LRMDA: variants seen among roughly 807,000 people sequenced by gnomAD.
The protein encoded by LRMDA is leucine rich melanocyte differentiation associated.
In LRMDA, 18 loss-of-function variants were observed where a neutral mutation model predicts 29.8. The observed-to-expected ratio is 0.60, with a 90% CI of 0.42 to 0.90. The LOEUF is 0.90. LRMDA is among the 40% of genes least tolerant of loss of function. LRMDA has a pLI of 0.00. For missense variants in LRMDA, 273 were observed against 273.9 expected, an observed-to-expected ratio of 1.00 and a Z score of 0.02; for synonymous variants, 125 against 109.4, an observed-to-expected ratio of 1.14 and a Z score of -0.89.
intron 2 of LRMDA, among the ~76,000 whole-genome samples, chr10:75,621,386 G>A (rs1486771889): frequency 6.6e-6 from 1 of 152,142 alleles, no homozygotes; most frequent in Non-Finnish European, 1.5e-5. Context: ...ACATGTGTGT[G>A]CCTGCCTTTG....
chr10:76,490,910 C>T (rs917073211), intron 6 of LRMDA, among the ~76,000 whole-genome samples: 10 of 151,736 alleles, frequency 6.6e-5, no homozygotes, highest in Admixed American at 5.3e-4. Flanking sequence ...TATGATTTAA[C>T]GTCTTGCTTT....
intron 6 of LRMDA, among the ~76,000 whole-genome samples, chr10:76,472,474 A>G (rs909513528): frequency 6.6e-6 from 1 of 151,750 alleles, no homozygotes; most frequent in Admixed American, 6.6e-5. Context: ...TTATCTATTC[A>G]ATAACTTGAT....
chr10:76,208,729 G>A lies in LRMDA; in HGVS notation c.517-115672G>A, dbSNP rs1385153309. 2.0e-5 allele frequency among the ~76,000 whole-genome samples: 3 copies of A among 152,072 alleles called. No individual in the cohort carries two copies. The East Asian group carries it at 5.8e-4, about 29-fold the overall frequency. On this transcript the variant is annotated intron_variant, in intron 5 of 6. Transcript: ENST00000611255. Reference sequence around the variant, plus strand: ...CAGCCATGGAAAACCAACCCAGCAAGCATGTCCTCCCCTCTGCTTGTGCCT... The same window carrying A: ...CAGCCATGGAAAACCAACCCAGCAAACATGTCCTCCCCTCTGCTTGTGCCT...
chr10:76,240,880 A>G (rs1318229404), intron 5 of LRMDA, among the ~76,000 whole-genome samples: 2 of 151,310 alleles, frequency 1.3e-5, no homozygotes, highest in Non-Finnish European at 2.9e-5. Context: ...ATACGCACAC[A>G]CACACATACA....
intron 2 of LRMDA, among the ~76,000 whole-genome samples, chr10:75,860,470 C>T (rs1336982932): frequency 1.3e-5 from 2 of 151,924 alleles, no homozygotes; most frequent in Non-Finnish European, 2.9e-5. Context: ...TAAAGGTTTG[C>T]ACCAGCATGA....
chr10:76,301,842 G>A (rs1361435009), intron 5 of LRMDA, among the ~76,000 whole-genome samples: 1 of 152,192 alleles, frequency 6.6e-6, no homozygotes, highest in Non-Finnish European at 1.5e-5. Flanking sequence ...AGAGATAATG[G>A]GAAGTGTTAT....
chr10:76,117,694 C>A (rs548259092), intron 5 of LRMDA, among the ~76,000 whole-genome samples: 2 of 152,156 alleles, frequency 1.3e-5, no homozygotes, highest in Non-Finnish European at 2.9e-5. Flanking sequence ...TTTCCATGGT[C>A]AAAGGGAATC....
intron 5 of LRMDA, among the ~76,000 whole-genome samples, chr10:76,093,182 C>T (rs577543944): frequency 1.8e-4 from 27 of 152,050 alleles, no homozygotes; most frequent in Admixed American, 5.2e-4. Context: ...GGATTACAGG[C>T]GCCCGCCACC....
chr10:75,626,110 C>T (rs1290681876), intron 2 of LRMDA, among the ~76,000 whole-genome samples: 1 of 152,022 alleles, frequency 6.6e-6, no homozygotes, highest in Non-Finnish European at 1.5e-5. Context: ...GATCCTCCCA[C>T]CTTGGCCTTC....
intron 3 of LRMDA, among the ~76,000 whole-genome samples, chr10:76,036,667 C>T (rs141584724): frequency 1.3e-5 from 2 of 152,278 alleles, no homozygotes; most frequent in East Asian, 3.9e-4. Flanking sequence ...TATGCCCTCA[C>T]TGGGGGATAC....
chr10:76,145,519 G>A (rs1183023058), intron 5 of LRMDA, among the ~76,000 whole-genome samples: 2 of 151,828 alleles, frequency 1.3e-5, no homozygotes, highest in Non-Finnish European at 2.9e-5. Flanking sequence ...TTGTATTTCT[G>A]TGGGATCGGT....
chr10:76,219,101 ACTC>A (rs1165070066), intron 5 of LRMDA, among the ~76,000 whole-genome samples: 4 of 152,136 alleles, frequency 2.6e-5, no homozygotes, highest in African/African-American at 9.6e-5. Context: ...CCCTAAAAGA[ACTC>A]CTGAAGGAAG....
At chr10:75,853,436 GT>G (rs1287342071) in intron 2 of LRMDA, among the ~76,000 whole-genome samples, 8 of 50,910 alleles carry the variant, frequency 1.6e-4, no homozygotes, top group South Asian at 1.5e-3. Flanking sequence ...GAAGAGGGGT[GT>G]GTGTGTGTGT....
At chr10:76,543,905 G>GC (rs1056110014) in intron 6 of LRMDA, among the ~76,000 whole-genome samples, 19 of 151,658 alleles carry the variant, frequency 1.3e-4, no homozygotes, top group South Asian at 6.3e-4. Flanking sequence ...GGAGTCCTGA[G>GC]CCCCCCCCAG....
intron 2 of LRMDA, among the ~76,000 whole-genome samples, chr10:75,768,243 A>G (rs886788088): frequency 6.6e-6 from 1 of 152,214 alleles, no homozygotes; most frequent in African/African-American, 2.4e-5. Context: ...ATTATTAGGC[A>G]GCCCATTCTC....
intron 5 of LRMDA, among the ~76,000 whole-genome samples, chr10:76,133,434 A>G (rs1850036035): frequency 6.6e-6 from 1 of 151,946 alleles, no homozygotes; most frequent in Non-Finnish European, 1.5e-5. Context: ...GCACCTCCCT[A>G]CCAGTCCTGG....
At chr10:75,603,963 C>T (rs1332749498) in intron 2 of LRMDA, among the ~76,000 whole-genome samples, 1 of 152,118 alleles carries the variant, frequency 6.6e-6, no homozygotes, top group East Asian at 1.9e-4. Flanking sequence ...GCTTTCTAAG[C>T]AGTGTGGGAT....
At chr10:75,925,264 A>G (rs1846100834) in intron 2 of LRMDA, among the ~76,000 whole-genome samples, 1 of 151,900 alleles carries the variant, frequency 6.6e-6, no homozygotes, top group African/African-American at 2.4e-5. Flanking sequence ...TTCCTTCTTC[A>G]TATACTCCTG....
intron 6 of LRMDA, among the ~76,000 whole-genome samples, chr10:76,555,955 A>T (rs1334131394): frequency 6.6e-6 from 1 of 152,166 alleles, no homozygotes; most frequent in Non-Finnish European, 1.5e-5. Flanking sequence ...AAGTCCGATT[A>T]GCGCTAAGAC....
Sources: gnomAD v4.1 joint callset for allele counts (sites outside exome capture counted in the v4.1 genomes callset) on GRCh38, gnomAD v4.1.1 for gene constraint, MANE v1.5 for transcripts, NCBI Gene and HGNC (gene_info 2026-07-23, HGNC 2026-07-21) for gene names.